Variants in MEGF6 observed in about 807,000 individuals in gnomAD.
The protein encoded by MEGF6 is multiple EGF like domains 6.
A neutral mutation model predicts 207.1 loss-of-function variants in MEGF6; 184 were observed. The observed-to-expected ratio is 0.89, with a 90% CI of 0.79 to 1.00. The LOEUF is 1.00. Ranked by LOEUF, MEGF6 falls within the 50% of genes least tolerant of loss-of-function variation. The pLI, the probability that MEGF6 is intolerant of heterozygous loss-of-function variation, is 0.00. For synonymous variants in MEGF6, 1,038 were observed against 910.0 expected, an observed-to-expected ratio of 1.14 and a Z score of -2.53; for missense variants, 2,282 against 2,202.9, an observed-to-expected ratio of 1.04 and a Z score of -0.72.
rs1368127617 is a variant in MEGF6, at chr1:3,496,066, GCCCGGTCAA to G, written c.3743-57_3743-49del. 3 of 1,470,026 alleles carry G rather than the reference GCCCGGTCAA, an allele frequency of 2.0e-6. 1 individual carries two copies. In the South Asian group the frequency reaches 4.1e-5, roughly 20 times the overall value. 91.1% of individuals were successfully genotyped at this position (1,470,026 alleles called of 1,614,324 possible). ...CGTGGCTGGCTTCCCTTCTCTCCCT[GCCCGGTCAA>G]CCCCGGAGTGGGGATAGGACAGGAT... is the stretch of plus-strand genomic sequence containing the variant. On this transcript the variant is annotated intron_variant, in intron 29 of 36. Coordinates refer to ENST00000356575, the MANE Select transcript of MEGF6 (RefSeq NM_001409.4).
chr1:3,491,770 G>A (rs115920918), intron 35 of MEGF6, among the ~76,000 whole-genome samples: 3,018 of 138,734 alleles, frequency 0.022, 138 homozygotes, highest in African/African-American at 0.09. Context: ...TACACGGTGC[G>A]GGGGTGGGGG....
At chr1:3,521,867 G>A (rs72853537) in intron 5 of MEGF6, among the ~76,000 whole-genome samples, 7,525 of 152,278 alleles carry the variant, frequency 0.049, 624 homozygotes, top group African/African-American at 0.17. Flanking sequence ...CAGGAAGGGG[G>A]TCTGGATGGT....
At chr1:3,550,765 C>A (rs1265783874) in intron 4 of MEGF6, among the ~76,000 whole-genome samples, 4 of 152,230 alleles carry the variant, frequency 2.6e-5, no homozygotes, top group Non-Finnish European at 5.9e-5. Flanking sequence ...CCCTTGCAGC[C>A]GATCCAGCAA....
chr1:3,519,491 C>A (rs934313419), intron 5 of MEGF6, among the ~76,000 whole-genome samples: 1 of 152,262 alleles, frequency 6.6e-6, no homozygotes, highest in Non-Finnish European at 1.5e-5. Context: ...CGCTGCTGAG[C>A]GTCAGCTCCG....
At position 3,560,902 on chromosome 1, in the gene MEGF6, C is replaced by G. The variant is rs1643181794; in HGVS notation, c.481+18923G>C. The stretch of plus-strand genomic sequence containing the variant: ...GCGAAGGGGGTGCTGGGCTCTACCC[C>G]CAGGCCTCTACTACCCTCTGGCACA... On this transcript the variant is annotated intron_variant, in intron 4 of 36. Transcript: ENST00000356575. The surrounding 1 kb of genome is among the most constrained non-coding windows in gnomAD (Gnocchi z 4.0). The G allele has an allele frequency of 7.2e-6, 3 of 416,572 alleles. No individual in the cohort carries two copies. The highest frequency in any genetic ancestry group is 5.3e-5 in the South Asian group (3 of 56,328). 25.8% of individuals were successfully genotyped at this position (416,572 alleles called of 1,614,324 possible). A position where few individuals can be genotyped will look rare whatever the true frequency, so the allele number is the denominator to read the frequency against.
chr1:3,499,603 G>T lies in MEGF6; in HGVS notation c.2950C>A (p.Pro984Thr), dbSNP rs1432033620. 2 of 1,581,814 alleles carry T rather than the reference G, an allele frequency of 1.3e-6. No individual in the cohort carries two copies. Among genetic ancestry groups the T allele is most frequent in the Non-Finnish European group, 8.6e-7 (1 of 1,165,300 alleles). Reference protein sequence around the residue: ...SCLCPAGRRGPRCAETCPAHT... With the variant: ...SCLCPAGRRGTRCAETCPAHT... ...CCTCACGCACTCTCGGCACAGCGGGGGCCCCGGCGGCCAGCGGGGCAGAGG... is the reference window on the plus strand; with the variant it reads ...CCTCACGCACTCTCGGCACAGCGGGTGCCCCGGCGGCCAGCGGGGCAGAGG... The change falls in exon 23 of 37, where the codon CCC becomes ACC. Residue 984 changes from proline to threonine, a missense_variant. Pro to Thr is a conservative substitution (Grantham distance 38). Coordinates refer to ENST00000356575, the MANE Select transcript of MEGF6 (RefSeq NM_001409.4).
chr1:3,559,545 A>AAAG (rs1356632449), intron 4 of MEGF6, among the ~76,000 whole-genome samples: 1 of 143,560 alleles, frequency 7.0e-6, no homozygotes. Flanking sequence ...AAAAAAAAAA[A>AAAG]AAGAAGAAGT....
chr1:3,589,876 C>T (rs192034782), intron 3 of MEGF6, among the ~76,000 whole-genome samples: 3 of 152,256 alleles, frequency 2.0e-5, no homozygotes, highest in South Asian at 2.1e-4. Context: ...CCTGTATAGT[C>T]TGTCTCAGGA....
intron 4 of MEGF6, among the ~76,000 whole-genome samples, chr1:3,552,818 T>C (rs888193017): frequency 1.3e-5 from 2 of 151,824 alleles, no homozygotes; most frequent in African/African-American, 4.8e-5. Context: ...CCCACTTTTC[T>C]CTGCAGCCAC....
chr1:3,520,177 GT>G (rs1641691303), intron 5 of MEGF6, among the ~76,000 whole-genome samples: 1 of 152,230 alleles, frequency 6.6e-6, no homozygotes. Flanking sequence ...GGGCCCAGGA[GT>G]GCTGCTCAAC....
At chr1:3,497,631 C>A (rs560661649) in intron 26 of MEGF6, 21 of 643,282 alleles carry the variant, frequency 3.3e-5, no homozygotes, top group South Asian at 3.2e-4. Flanking sequence ...GCTGCAGGGA[C>A]GAGACAGATA....
chr1:3,529,375 ACTGTCC>A (rs1642071492), intron 4 of MEGF6, among the ~76,000 whole-genome samples: 1 of 152,134 alleles, frequency 6.6e-6, no homozygotes, highest in Non-Finnish European at 1.5e-5. Context: ...AGGCAAATCC[ACTGTCC>A]CTGTCCAGCC....
At chr1:3,607,301 T>C (rs1644263718) in intron 1 of MEGF6, among the ~76,000 whole-genome samples, 1 of 151,498 alleles carries the variant, frequency 6.6e-6, no homozygotes, top group Admixed American at 6.6e-5. Flanking sequence ...GCCCGCCTGG[T>C]GCGCCCTATG....
chr1:3,510,131 T>C, intron 10 of MEGF6, 139 bp from the exon 11 acceptor site: 1 of 1,195,010 alleles, frequency 8.4e-7, no homozygotes, highest in Non-Finnish European at 1.1e-6. Context: ...AACCAGCCAG[T>C]AAAACTCACC....
chr1:3,540,912 G>C (rs116407923), intron 4 of MEGF6, among the ~76,000 whole-genome samples: 2,481 of 152,312 alleles, frequency 0.016, 70 homozygotes, highest in African/African-American at 0.056. Flanking sequence ...GATGTTTGTG[G>C]AATACCCACT....
intron 2 of MEGF6, among the ~76,000 whole-genome samples, chr1:3,598,300 G>A (rs982216811): frequency 1.3e-5 from 2 of 152,330 alleles, no homozygotes; most frequent in Non-Finnish European, 2.9e-5. Flanking sequence ...ACAAACAAGC[G>A]GGGCCAGTGG....
At chr1:3,619,679 C>A in the MEGF6 span, among the ~76,000 whole-genome samples, 1 of 150,078 alleles carries the variant, frequency 6.7e-6, no homozygotes, top group South Asian at 2.1e-4. Context: ...TGAGGCCTCC[C>A]CAGCCGGGTG....
intron 4 of MEGF6, among the ~76,000 whole-genome samples, chr1:3,534,749 A>C (rs544275560): frequency 3.7e-4 from 56 of 152,278 alleles, no homozygotes; most frequent in Admixed American, 7.8e-4. Flanking sequence ...CATGGTGGAC[A>C]CAGCCATGGT....
intron 5 of MEGF6, among the ~76,000 whole-genome samples, chr1:3,520,316 G>A (rs2794363): frequency 0.076 from 11,635 of 152,322 alleles, 617 homozygotes; most frequent in South Asian, 0.15. Context: ...GAGGCCTCCA[G>A]CGCAGTGCTA....
Sources: allele counts gnomAD v4.1 joint callset (sites outside exome capture counted in the v4.1 genomes callset), GRCh38; gene constraint gnomAD v4.1.1; non-coding constraint Gnocchi (gnomAD v3.1); transcripts MANE v1.5; gene names NCBI Gene and HGNC (gene_info 2026-07-23, HGNC 2026-07-21).